The following SLC9A9 variants were observed in gnomAD, a reference collection of about 807,000 sequenced individuals.
SLC9A9 encodes solute carrier family 9 member A9.
A neutral mutation model predicts 77.8 loss-of-function variants in SLC9A9; 62 were observed. The observed-to-expected ratio is 0.80, with a 90% CI of 0.65 to 0.98. The LOEUF (loss-of-function observed/expected upper bound fraction) is 0.98. Ranked by LOEUF, SLC9A9 falls within the 50% of genes least tolerant of loss-of-function variation. The pLI, the probability that SLC9A9 is intolerant of heterozygous loss-of-function variation, is 0.00. For synonymous variants in SLC9A9, 320 were observed against 283.5 expected, an observed-to-expected ratio of 1.13 and a Z score of -1.29; for missense variants, 775 against 774.9, an observed-to-expected ratio of 1.00 and a Z score of 0.00.
At position 143,626,876 on chromosome 3, in the gene SLC9A9, CTTT is replaced by C. The variant is rs61283423; in HGVS notation, c.755+25376_755+25378del. ...GAATTTTGGGAGACTGCACTAGCTC[CTTT>C]TTTTTTTTTTTTGAGACAGTGTCTC... is the stretch of plus-strand genomic sequence containing the variant. On this transcript the variant is annotated intron_variant, in intron 6 of 15. Transcript: ENST00000316549. The C allele has an allele frequency of 2.7e-3, 398 of 144,952 alleles. 1 individual carries two copies. Among genetic ancestry groups the C allele is most frequent in the East Asian group, 6.4e-3 (32 of 5,010 alleles). The allele number at this position is 144,952 out of a possible 1,614,324, so 9.0% of individuals were successfully genotyped here.
At chr3:143,792,420 T>C (rs775029285) in intron 4 of SLC9A9, among the ~76,000 whole-genome samples, 3 of 152,178 alleles carry the variant, frequency 2.0e-5, no homozygotes, top group South Asian at 2.1e-4. Context: ...CCCAAAACAA[T>C]TGGACTTGCC....
At chr3:143,598,866 C>T (rs936001790) in intron 6 of SLC9A9, among the ~76,000 whole-genome samples, 1 of 152,210 alleles carries the variant, frequency 6.6e-6, no homozygotes, top group Admixed American at 6.5e-5. Context: ...AAAAAGATAC[C>T]TGTCAAGCTC....
chr3:143,442,987 ACT>A (rs1322317782), intron 12 of SLC9A9, among the ~76,000 whole-genome samples: 1 of 152,180 alleles, frequency 6.6e-6, no homozygotes, highest in Non-Finnish European at 1.5e-5. Flanking sequence ...TGTTTCTAGT[ACT>A]TAAGCATGAT....
chr3:143,647,616 T>C (rs2038726669), intron 6 of SLC9A9, among the ~76,000 whole-genome samples: 1 of 152,238 alleles, frequency 6.6e-6, no homozygotes, highest in Admixed American at 6.5e-5. Flanking sequence ...CTTTATTTTT[T>C]CTGATTGTTA....
intron 14 of SLC9A9, among the ~76,000 whole-genome samples, chr3:143,301,653 C>T (rs2030522649): frequency 6.6e-6 from 1 of 152,148 alleles, no homozygotes; most frequent in Non-Finnish European, 1.5e-5. Context: ...TCTAGTGGAG[C>T]CCACAGTGAC....
At chr3:143,574,484 C>G (rs2037322891) in intron 7 of SLC9A9, among the ~76,000 whole-genome samples, 1 of 152,116 alleles carries the variant, frequency 6.6e-6, no homozygotes, top group South Asian at 2.1e-4. Flanking sequence ...TAGCCTCATC[C>G]CTTGGGATGC....
At chr3:143,831,933 G>GCACACA in intron 2 of SLC9A9, 86 bp downstream of exon 2, 1 of 1,184,696 alleles carries the variant, frequency 8.4e-7, no homozygotes, top group African/African-American at 1.5e-5. Flanking sequence ...GTGTGTGAAT[G>GCACACA]CATTATATAA....
intron 14 of SLC9A9, among the ~76,000 whole-genome samples, chr3:143,284,474 C>G (rs17573841): frequency 0.04 from 5,992 of 151,600 alleles, 127 homozygotes; most frequent in Non-Finnish European, 0.052. Context: ...TGATTGTGAC[C>G]TTCAGCCAGA....
At chr3:143,704,866 C>T (rs1271288804) in intron 4 of SLC9A9, among the ~76,000 whole-genome samples, 2 of 152,018 alleles carry the variant, frequency 1.3e-5, no homozygotes, top group African/African-American at 2.4e-5. Flanking sequence ...GTGGTACATG[C>T]CTGTAATCCC....
intron 12 of SLC9A9, among the ~76,000 whole-genome samples, chr3:143,444,829 A>G (rs992133099): frequency 7.2e-5 from 11 of 152,170 alleles, no homozygotes; most frequent in African/African-American, 1.9e-4. Context: ...GTTTCATTCA[A>G]TTGGCATGAA....
chr3:143,400,847 G>T lies in SLC9A9; in HGVS notation c.1470-18733C>A, dbSNP rs145776968. Among the ~76,000 whole-genome samples, 640 of 152,168 alleles carry T rather than the reference G, an allele frequency of 4.2e-3. 4 individuals carry two copies. The highest frequency in any genetic ancestry group is 0.015 in the African/African-American group (609 of 41,512). ...GGGAGACATCCTGTCTCTCAGGATC[G>T]TGCAAGTGCTGAGCATTTGTATGAG... On this transcript the variant is annotated intron_variant, in intron 12 of 15. Coordinates refer to ENST00000316549, the MANE Select transcript of SLC9A9 (RefSeq NM_173653.4).
At chr3:143,735,413 A>G (rs1040929441) in intron 4 of SLC9A9, among the ~76,000 whole-genome samples, 3 of 152,160 alleles carry the variant, frequency 2.0e-5, no homozygotes, top group African/African-American at 7.2e-5. Flanking sequence ...GTAAAATTAG[A>G]TTTGCATTAA....
intron 12 of SLC9A9, among the ~76,000 whole-genome samples, chr3:143,446,309 T>G (rs1257727780): frequency 6.6e-6 from 1 of 151,728 alleles, no homozygotes; most frequent in Non-Finnish European, 1.5e-5. Context: ...ATGCAGGAGG[T>G]AGATACACTG....
At chr3:143,528,595 C>A (rs1559954441) in intron 9 of SLC9A9, among the ~76,000 whole-genome samples, 1 of 152,134 alleles carries the variant, frequency 6.6e-6, no homozygotes, top group Non-Finnish European at 1.5e-5. Flanking sequence ...GGTGGGAACT[C>A]TTTGCAAACA....
intron 9 of SLC9A9, chr3:143,517,346 C>T (rs2036219553): frequency 2.3e-6 from 3 of 1,289,240 alleles, no homozygotes; most frequent in Admixed American, 3.4e-5. Context: ...AGGCATTCCT[C>T]CAGGAAAATT....
chr3:143,744,033 G>A (rs1181375246), intron 4 of SLC9A9, among the ~76,000 whole-genome samples: 1 of 152,140 alleles, frequency 6.6e-6, no homozygotes, highest in Non-Finnish European at 1.5e-5. Context: ...CAGGTGACGA[G>A]CAGCTAATAG....
At chr3:143,619,353 A>G (rs567754555) in intron 6 of SLC9A9, among the ~76,000 whole-genome samples, 1 of 152,350 alleles carries the variant, frequency 6.6e-6, no homozygotes, top group East Asian at 1.9e-4. Context: ...AGCATTTCCA[A>G]ACACTAACTA....
At chr3:143,449,823 C>T (rs369865448) in intron 12 of SLC9A9, among the ~76,000 whole-genome samples, 55,532 of 74,054 alleles carry the variant, frequency 0.75, 21,318 homozygotes, top group East Asian at 0.99. Flanking sequence ...TATATATTTA[C>T]ATATATAATT....
chr3:143,448,692 C>T (rs956167041), intron 12 of SLC9A9, among the ~76,000 whole-genome samples: 2 of 150,334 alleles, frequency 1.3e-5, no homozygotes, highest in Admixed American at 6.7e-5. Context: ...TTTTAAGAAT[C>T]TATCCTAAGA....
Sources: gnomAD v4.1 joint callset for allele counts (sites outside exome capture counted in the v4.1 genomes callset) on GRCh38, gnomAD v4.1.1 for gene constraint, MANE v1.5 for transcripts, NCBI Gene and HGNC (gene_info 2026-07-23, HGNC 2026-07-21) for gene names.